OTUD7B: variants seen among roughly 807,000 people sequenced by gnomAD.
OTUD7B encodes the protein OTU deubiquitinase 7B.
Under a neutral mutation model 82.2 loss-of-function variants are expected in OTUD7B, and 34 were observed. The ratio of observed to expected loss-of-function variants is 0.41; its 90% CI spans 0.31 to 0.55. OTUD7B has a LOEUF of 0.55. OTUD7B is among the 20% of genes least tolerant of loss of function. OTUD7B has a pLI of 0.20. For synonymous variants in OTUD7B, 398 were observed against 402.7 expected, an observed-to-expected ratio of 0.99 and a Z score of 0.14; for missense variants, 944 against 1,062.1, an observed-to-expected ratio of 0.89 and a Z score of 1.55.
chr1:150,065,852 T>TTTTTTTTTTTTTTTTTTTTTTTTTTGAG, the OTUD7B span, among the ~76,000 whole-genome samples: 1 of 152,204 alleles, frequency 6.6e-6, no homozygotes, highest in African/African-American at 2.4e-5. Context: ...TCAAAATGTT[T>TTTTTTTTTTTTTTTTTTTTTTTTTTGAG]ATGTTCCATA....
At chr1:150,012,216 CTAACT>C (rs1653106369), upstream of OTUD7B, among the ~76,000 whole-genome samples, 1 of 152,160 alleles carries the variant, frequency 6.6e-6, no homozygotes, top group Admixed American at 6.5e-5. Flanking sequence ...TAACTGAACT[CTAACT>C]GAACTGAACT....
the OTUD7B span, among the ~76,000 whole-genome samples, chr1:150,065,272 T>C: frequency 6.6e-6 from 1 of 152,082 alleles, no homozygotes; most frequent in East Asian, 1.9e-4. Flanking sequence ...CAGAGTTTCA[T>C]CATATTGTCT....
the OTUD7B span, among the ~76,000 whole-genome samples, chr1:150,062,701 C>CTTCT: frequency 1.7e-5 from 2 of 118,536 alleles, no homozygotes; most frequent in African/African-American, 6.4e-5. Flanking sequence ...TCTTTTTCTT[C>CTTCT]TTCTTTCTTT....
chr1:150,006,641 T>C (rs1652692861), intron 1 of OTUD7B, among the ~76,000 whole-genome samples: 1 of 152,210 alleles, frequency 6.6e-6, no homozygotes, highest in Non-Finnish European at 1.5e-5. Flanking sequence ...CCTACAACAG[T>C]GCTCCCTACA....
chr1:150,030,520 C>A, the OTUD7B span, among the ~76,000 whole-genome samples: 1 of 152,184 alleles, frequency 6.6e-6, no homozygotes, highest in African/African-American at 2.4e-5. Flanking sequence ...TTCTCTTTCT[C>A]TCCTGGATTC....
chr1:149,980,879 C>T (rs1365219039), intron 1 of OTUD7B, among the ~76,000 whole-genome samples: 3 of 151,780 alleles, frequency 2.0e-5, no homozygotes, highest in Non-Finnish European at 4.4e-5. Flanking sequence ...TAAGCATGGT[C>T]GTGTGTGCCT....
the OTUD7B span, among the ~76,000 whole-genome samples, chr1:150,045,953 T>C: frequency 6.6e-6 from 1 of 152,254 alleles, no homozygotes; most frequent in African/African-American, 2.4e-5. Flanking sequence ...AAAACATTTC[T>C]AATAAAGCAG....
the OTUD7B span, among the ~76,000 whole-genome samples, chr1:150,045,157 T>A: frequency 1.3e-5 from 2 of 151,210 alleles, no homozygotes; most frequent in African/African-American, 4.9e-5. Context: ...AGTGGCATGA[T>A]CTCACCTCAC....
the OTUD7B span, among the ~76,000 whole-genome samples, chr1:150,019,164 A>G: frequency 1.6e-4 from 25 of 152,252 alleles, no homozygotes; most frequent in African/African-American, 5.1e-4. Flanking sequence ...TTGAATCATT[A>G]TATCTATTCC....
rs1274960225 is a variant in OTUD7B, at chr1:149,938,638, G to A, written c.*5219C>T. 1 of 151,108 alleles carries A rather than the reference G, an allele frequency of 6.6e-6. No homozygotes were observed. The allele number at this position is 151,108 out of a possible 1,614,324, so 9.4% of individuals were successfully genotyped here. ...AGAAAAAAAATCGGGGGGTAGGGGT[G>A]TGGTGGCTCATGCCTGTAATCCCAG... On this transcript the variant is annotated 3_prime_UTR_variant, in exon 12 of 12. Coordinates refer to ENST00000581312, the MANE Select transcript of OTUD7B (RefSeq NM_020205.4).
At chr1:150,031,308 G>A in the OTUD7B span, among the ~76,000 whole-genome samples, 1 of 152,142 alleles carries the variant, frequency 6.6e-6, no homozygotes, top group African/African-American at 2.4e-5. Context: ...TCATCTTGCT[G>A]TTTCTGGCTC....
chr1:149,964,208 C>T lies in OTUD7B; in HGVS notation c.732+14G>A, dbSNP rs1553776028. 2 of 1,610,116 alleles carry T rather than the reference C, an allele frequency of 1.2e-6. No individual in the cohort carries two copies. Among genetic ancestry groups the T allele is most frequent in the Admixed American group, 3.3e-5 (2 of 59,964 alleles). On this transcript the variant is annotated intron_variant, in intron 6 of 11. Transcript: ENST00000581312. ...ACTTTAGGAAACAAGGCGCTCCCACCCACGCTCTCCCACCTCTTTATTCTG... is the reference window on the plus strand; with the variant it reads ...ACTTTAGGAAACAAGGCGCTCCCACTCACGCTCTCCCACCTCTTTATTCTG...
At position 149,948,423 on chromosome 1, in the gene OTUD7B, GT is replaced by G. The variant is rs1553772608; in HGVS notation, c.1238+545del. Among the ~76,000 whole-genome samples, 3 of 146,366 alleles carry G rather than the reference GT, an allele frequency of 2.0e-5. No homozygotes were observed. In the Admixed American group the frequency reaches 2.1e-4, roughly 10 times the overall value. ...CTCTCACTCTGTTGCCTAGGCTGTA[GT>G]GCAGTGGCACGATGTCGGCTCACTG... On this transcript the variant is annotated intron_variant, in intron 10 of 11. Coordinates refer to ENST00000581312, the MANE Select transcript of OTUD7B (RefSeq NM_020205.4).
the OTUD7B span, among the ~76,000 whole-genome samples, chr1:150,052,615 G>A: frequency 6.6e-6 from 1 of 152,050 alleles, no homozygotes; most frequent in African/African-American, 2.4e-5. Flanking sequence ...CAGATAAAAT[G>A]TTATTCCTAT....
intron 1 of OTUD7B, among the ~76,000 whole-genome samples, chr1:149,992,017 C>T (rs964885090): frequency 7.9e-5 from 12 of 152,136 alleles, no homozygotes; most frequent in Non-Finnish European, 1.8e-4. Context: ...ATCATTAGGT[C>T]AAGAGATCGA....
At chr1:149,998,202 AC>A (rs1364975491) in intron 1 of OTUD7B, among the ~76,000 whole-genome samples, 2 of 151,944 alleles carry the variant, frequency 1.3e-5, no homozygotes, top group African/African-American at 4.8e-5. Context: ...CATTACCATT[AC>A]CCTTGTAGAC....
chr1:150,016,797 G>C, the OTUD7B span, among the ~76,000 whole-genome samples: 9 of 152,138 alleles, frequency 5.9e-5, no homozygotes, highest in African/African-American at 2.2e-4. Flanking sequence ...CCACTGATAA[G>C]TTCATGCTAC....
At chr1:149,980,603 T>C (rs587625168) in intron 1 of OTUD7B, among the ~76,000 whole-genome samples, 190 of 151,992 alleles carry the variant, frequency 1.3e-3, no homozygotes, top group Non-Finnish European at 2.0e-3. Flanking sequence ...TCCCAGCTAC[T>C]AGGGAGGCTG....
At chr1:149,954,523 C>T (rs1358505554) in intron 7 of OTUD7B, among the ~76,000 whole-genome samples, 1 of 152,074 alleles carries the variant, frequency 6.6e-6, no homozygotes, top group Non-Finnish European at 1.5e-5. Context: ...TTTGTTGTGT[C>T]TCTGCCAGGC....
Sources: gnomAD v4.1 joint callset for allele counts (sites outside exome capture counted in the v4.1 genomes callset) on GRCh38, gnomAD v4.1.1 for gene constraint, MANE v1.5 for transcripts, NCBI Gene and HGNC (gene_info 2026-07-23, HGNC 2026-07-21) for gene names.